NXPH1: variants seen among roughly 807,000 people sequenced by gnomAD.
NXPH1 encodes the protein neurexophilin 1, also known as neurexophilin-1.
In NXPH1, 5 loss-of-function variants were observed where a neutral mutation model predicts 23.7. The ratio of observed to expected loss-of-function variants is 0.21; its 90% CI spans 0.11 to 0.44. NXPH1 has a LOEUF of 0.44. NXPH1 is among the 20% of genes least tolerant of loss of function. The pLI is 0.99. For missense variants in NXPH1, 324 were observed against 321.6 expected, an observed-to-expected ratio of 1.01 and a Z score of -0.06; for synonymous variants, 144 against 122.2, an observed-to-expected ratio of 1.18 and a Z score of -1.18.
intron 2 of NXPH1, among the ~76,000 whole-genome samples, chr7:8,438,775 T>A (rs1816242586): frequency 6.6e-6 from 1 of 152,244 alleles, no homozygotes; most frequent in Admixed American, 6.5e-5. Context: ...TGGGTGAATG[T>A]TTGCAAAGTA....
At chr7:8,668,943 C>G (rs905827340) in intron 2 of NXPH1, among the ~76,000 whole-genome samples, 1 of 151,964 alleles carries the variant, frequency 6.6e-6, no homozygotes, top group African/African-American at 2.4e-5. Flanking sequence ...GAGCATGGGT[C>G]CATGGGGACT....
intron 2 of NXPH1, among the ~76,000 whole-genome samples, chr7:8,741,495 C>A (rs1283192541): frequency 6.6e-6 from 1 of 152,066 alleles, no homozygotes; most frequent in Non-Finnish European, 1.5e-5. Context: ...TTTCCATAAT[C>A]TCTCTACCAA....
intron 2 of NXPH1, among the ~76,000 whole-genome samples, chr7:8,746,326 T>C (rs1219504326): frequency 6.6e-6 from 1 of 152,206 alleles, no homozygotes; most frequent in Non-Finnish European, 1.5e-5. Context: ...TTTAAGACAG[T>C]GTTAATGATG....
rs142723532 is a variant in NXPH1, at chr7:8,622,502, G to A, written c.55-128506G>A. Among the ~76,000 whole-genome samples, 1,139 of 152,286 alleles carry A rather than the reference G, an allele frequency of 7.5e-3. 20 individuals carry two copies. The highest frequency in any genetic ancestry group is 0.026 in the African/African-American group (1,084 of 41,564). On this transcript the variant is annotated intron_variant, in intron 2 of 2. Coordinates refer to ENST00000405863, the MANE Select transcript of NXPH1 (RefSeq NM_152745.3). The stretch of plus-strand genomic sequence containing the variant: ...GTATTGGAGTTACATTAGACCTTAA[G>A]TGGCCATAGAGTAACAAATGAGACT...
At position 8,502,139 on chromosome 7, in the gene NXPH1, C is replaced by A. The variant is rs1204599286; in HGVS notation, c.54+66372C>A. Among the ~76,000 whole-genome samples, 3 of 151,976 alleles carry A rather than the reference C, an allele frequency of 2.0e-5. No individual in the cohort carries two copies. The East Asian group carries it at 5.8e-4, about 30-fold the overall frequency. The stretch of plus-strand genomic sequence containing the variant: ...GTGTAAGTCACTTAACCTCTTCTAG[C>A]TTCAGCTTCCCTATCTCAGAAATTA... On this transcript the variant is annotated intron_variant, in intron 2 of 2. Transcript: ENST00000405863.
intron 2 of NXPH1, among the ~76,000 whole-genome samples, chr7:8,542,145 A>G (rs1033223951): frequency 1.3e-5 from 2 of 151,486 alleles, no homozygotes; most frequent in Non-Finnish European, 3.0e-5. Flanking sequence ...AAAAAGAAAA[A>G]ATATACAATG....
chr7:8,716,718 A>T (rs1779884161), intron 2 of NXPH1, among the ~76,000 whole-genome samples: 1 of 152,208 alleles, frequency 6.6e-6, no homozygotes, highest in Admixed American at 6.5e-5. Context: ...AATGAAGAGT[A>T]CATGATTTAA....
intron 2 of NXPH1, among the ~76,000 whole-genome samples, chr7:8,730,977 C>T (rs910978715): frequency 1.7e-4 from 25 of 147,378 alleles, no homozygotes; most frequent in Non-Finnish European, 2.8e-4. Context: ...TTCAGGTACA[C>T]CAATCAGACG....
chr7:8,488,952 C>T (rs1441055411), intron 2 of NXPH1, among the ~76,000 whole-genome samples: 2 of 152,146 alleles, frequency 1.3e-5, no homozygotes, highest in Non-Finnish European at 2.9e-5. Flanking sequence ...TTGAATTCTG[C>T]AGTAAGTTCT....
intron 2 of NXPH1, among the ~76,000 whole-genome samples, chr7:8,508,185 T>A (rs928434317): frequency 1.3e-5 from 2 of 152,136 alleles, no homozygotes; most frequent in African/African-American, 4.8e-5. Context: ...TTTAGTTGTC[T>A]CTTTACCTGT....
At chr7:8,617,058 T>G (rs1247844289) in intron 2 of NXPH1, among the ~76,000 whole-genome samples, 1 of 151,986 alleles carries the variant, frequency 6.6e-6, no homozygotes, top group African/African-American at 2.4e-5. Flanking sequence ...TTGACAATGT[T>G]TGGAAATACT....
intron 2 of NXPH1, among the ~76,000 whole-genome samples, chr7:8,499,448 A>G (rs1270096190): frequency 1.3e-5 from 2 of 152,062 alleles, no homozygotes; most frequent in African/African-American, 4.8e-5. Flanking sequence ...CAGCTGAGCT[A>G]TACCAGCCTA....
intron 2 of NXPH1, among the ~76,000 whole-genome samples, chr7:8,604,352 C>G (rs1819430366): frequency 6.6e-6 from 1 of 152,158 alleles, no homozygotes; most frequent in Non-Finnish European, 1.5e-5. Flanking sequence ...ATGTACCCAA[C>G]ACTGAATGTA....
chr7:8,715,813 G>A (rs1028685646), intron 2 of NXPH1, among the ~76,000 whole-genome samples: 5 of 152,116 alleles, frequency 3.3e-5, no homozygotes, highest in Non-Finnish European at 5.9e-5. Flanking sequence ...TGACGTGAGA[G>A]ATGAAGGGAG....
At chr7:8,476,459 A>G (rs1350775240) in intron 2 of NXPH1, among the ~76,000 whole-genome samples, 1 of 143,552 alleles carries the variant, frequency 7.0e-6, no homozygotes, top group Non-Finnish European at 1.5e-5. Context: ...GACGCAATTC[A>G]TTTTTTTTTT....
intron 2 of NXPH1, among the ~76,000 whole-genome samples, chr7:8,540,909 C>G (rs73050630): frequency 0.079 from 11,962 of 151,808 alleles, 648 homozygotes; most frequent in Non-Finnish European, 0.12. Context: ...AATCATAAAA[C>G]CAAAGCCAGA....
intron 2 of NXPH1, among the ~76,000 whole-genome samples, chr7:8,713,162 A>ATATT (rs1779823125): frequency 6.6e-6 from 1 of 151,962 alleles, no homozygotes; most frequent in Admixed American, 6.6e-5. Context: ...CTCTGACTGT[A>ATATT]TATTTTCAAA....
chr7:8,592,763 A>G (rs1409479370), intron 2 of NXPH1, among the ~76,000 whole-genome samples: 1 of 151,928 alleles, frequency 6.6e-6, no homozygotes, highest in African/African-American at 2.4e-5. Flanking sequence ...GTGTTCCCGT[A>G]ATGCTTTATT....
intron 2 of NXPH1, among the ~76,000 whole-genome samples, chr7:8,659,287 T>G (rs1043637398): frequency 3.9e-5 from 6 of 152,238 alleles, no homozygotes; most frequent in African/African-American, 1.2e-4. Context: ...AAACATTGGA[T>G]GCCTTCAGTA....
Sources: gnomAD v4.1 joint callset for allele counts (sites outside exome capture counted in the v4.1 genomes callset) on GRCh38, gnomAD v4.1.1 for gene constraint, MANE v1.5 for transcripts, NCBI Gene and HGNC (gene_info 2026-07-23, HGNC 2026-07-21) for gene names.